The following RBMS3 variants were observed in gnomAD, a reference collection of about 807,000 sequenced individuals.
The protein encoded by RBMS3 is RNA-binding motif, single-stranded-interacting protein 3.
A neutral mutation model predicts 66.8 loss-of-function variants in RBMS3; 27 were observed. The ratio of observed to expected loss-of-function variants is 0.40; its 90% confidence interval spans 0.30 to 0.56. The LOEUF (loss-of-function observed/expected upper bound fraction) is 0.56. Among genes scored for constraint, RBMS3 ranks in the 20% least tolerant of loss-of-function variants. The pLI is 0.40. For missense variants in RBMS3, 513 were observed against 549.5 expected (o/e 0.93, Z 0.66); for synonymous variants, 188 against 183.0 (o/e 1.03, Z -0.22).
intron 3 of RBMS3, among the ~76,000 whole-genome samples, chr3:29,562,609 TG>T (rs892919997): frequency 6.6e-6 from 1 of 152,122 alleles, no homozygotes; most frequent in Admixed American, 6.5e-5. Flanking sequence ...TCGATATACT[TG>T]ATATATGGTT....
Position 29,675,707 on chromosome 3 carries a change from G to A in RBMS3, c.400-64013G>A, listed in dbSNP as rs553132761. On this transcript the variant is annotated intron_variant, in intron 4 of 14. Transcript: ENST00000383767. ...CATCATCACTGGTCTTCAGAGAAAT[G>A]CGAATCAAAACCACAATGAGATTCC... Among the ~76,000 whole-genome samples the A allele has an allele frequency of 1.4e-4, 22 of 152,298 alleles. No homozygotes were observed. The South Asian group carries it at 4.6e-3, about 32-fold the overall frequency.
intron 6 of RBMS3, among the ~76,000 whole-genome samples, chr3:29,807,593 A>G (rs2057598027): frequency 6.6e-6 from 1 of 151,890 alleles, no homozygotes; most frequent in African/African-American, 2.4e-5. Flanking sequence ...TCAATGAGCA[A>G]ATGATTTTTA....
chr3:29,594,621 T>C (rs2149106227), intron 4 of RBMS3, among the ~76,000 whole-genome samples: 1 of 152,302 alleles, frequency 6.6e-6, no homozygotes, highest in East Asian at 1.9e-4. Flanking sequence ...TGATTGAAAA[T>C]TTTAAAATTT....
chr3:29,612,786 A>T (rs1334465651), intron 4 of RBMS3, among the ~76,000 whole-genome samples: 1 of 152,168 alleles, frequency 6.6e-6, no homozygotes, highest in Non-Finnish European at 1.5e-5. Flanking sequence ...CAGTAGTCAC[A>T]CATCATAAAC....
chr3:29,456,901 G>T (rs2042210541), intron 2 of RBMS3, among the ~76,000 whole-genome samples: 1 of 152,128 alleles, frequency 6.6e-6, no homozygotes, highest in Non-Finnish European at 1.5e-5. Flanking sequence ...AAGGAGGCTG[G>T]ACATAAAGTA....
intron 2 of RBMS3, among the ~76,000 whole-genome samples, chr3:29,440,757 C>T (rs543158959): frequency 6.6e-6 from 1 of 152,286 alleles, no homozygotes; most frequent in South Asian, 2.1e-4. Flanking sequence ...GCGTGCTGAA[C>T]GCTGAATAGT....
intron 6 of RBMS3, among the ~76,000 whole-genome samples, chr3:29,779,765 A>G (rs752942462): frequency 3.4e-5 from 5 of 145,398 alleles, no homozygotes; most frequent in Non-Finnish European, 7.6e-5. Context: ...AAGATACAAT[A>G]GGTTACTGAT....
intron 4 of RBMS3, among the ~76,000 whole-genome samples, chr3:29,623,173 G>T (rs575126211): frequency 2.3e-3 from 151 of 64,690 alleles, no homozygotes; most frequent in African/African-American, 8.4e-3. Flanking sequence ...AATTAACTTG[G>T]GGGGGGGGGT....
At chr3:29,646,885 A>C (rs907366270) in intron 4 of RBMS3, among the ~76,000 whole-genome samples, 10 of 152,184 alleles carry the variant, frequency 6.6e-5, no homozygotes, top group African/African-American at 2.4e-4. Context: ...CAAGTCAGCT[A>C]TCTTGCATAT....
At chr3:29,867,530 C>T (rs1408385787) in intron 6 of RBMS3, among the ~76,000 whole-genome samples, 3 of 143,604 alleles carry the variant, frequency 2.1e-5, no homozygotes, top group Non-Finnish European at 4.5e-5. Context: ...GGAATGTTAG[C>T]ATGTTAAGGA....
chr3:29,714,555 A>T (rs2053310473), intron 4 of RBMS3, among the ~76,000 whole-genome samples: 1 of 152,222 alleles, frequency 6.6e-6, no homozygotes, highest in African/African-American at 2.4e-5. Context: ...ACTTGGTAAC[A>T]TAACCTTGTA....
intron 2 of RBMS3, among the ~76,000 whole-genome samples, chr3:29,458,543 T>C (rs1402646186): frequency 6.6e-6 from 1 of 152,210 alleles, no homozygotes; most frequent in Non-Finnish European, 1.5e-5. Context: ...CTAGATTACT[T>C]GTAATACCTA....
chr3:29,718,498 A>G (rs2053502448), intron 4 of RBMS3, among the ~76,000 whole-genome samples: 1 of 151,960 alleles, frequency 6.6e-6, no homozygotes, highest in African/African-American at 2.4e-5. Flanking sequence ...GCAGAACTGG[A>G]GCTCAATTCT....
At chr3:29,411,260 C>T (rs1053815977) in intron 1 of RBMS3, among the ~76,000 whole-genome samples, 1 of 152,262 alleles carries the variant, frequency 6.6e-6, no homozygotes, top group Admixed American at 6.5e-5. Context: ...TAATGGTAAT[C>T]TCACCTCCTG....
At chr3:29,453,207 T>C (rs1048130065) in intron 2 of RBMS3, among the ~76,000 whole-genome samples, 1 of 152,226 alleles carries the variant, frequency 6.6e-6, no homozygotes, top group African/African-American at 2.4e-5. Flanking sequence ...AGATATGTTT[T>C]AGTATGTAGC....
chr3:29,560,476 C>A (rs1033577357), intron 3 of RBMS3, among the ~76,000 whole-genome samples: 1 of 152,206 alleles, frequency 6.6e-6, no homozygotes, highest in Non-Finnish European at 1.5e-5. Context: ...CACAAACATA[C>A]ATCACCAAAG....
intron 4 of RBMS3, among the ~76,000 whole-genome samples, chr3:29,687,204 T>C (rs1029593449): frequency 3.0e-4 from 46 of 152,218 alleles, no homozygotes; most frequent in African/African-American, 1.0e-3. Context: ...TGGCTACAGA[T>C]AATAGAAGTG....
chr3:29,387,628 C>A (rs546477254), intron 1 of RBMS3, among the ~76,000 whole-genome samples: 1 of 152,200 alleles, frequency 6.6e-6, no homozygotes, highest in Admixed American at 6.5e-5. Flanking sequence ...GATGGCCGGG[C>A]GCGGTGGCTC....
rs5847561 is a variant in RBMS3, at chr3:29,281,475, C to CTTT, written c.-198_-196dup. ...TTTTCTACAGATCTCACTCCTCGCC[C>CTTT]TTTTTTTTTTTCCTTTGGTGTGTGT... is the stretch of plus-strand genomic sequence containing the variant. On this transcript the variant is annotated 5_prime_UTR_variant, in exon 1 of 15. Transcript: ENST00000383767. The CTTT allele has an allele frequency of 7.7e-3, 3,564 of 462,856 alleles. 2 individuals are homozygous for CTTT. Among genetic ancestry groups the CTTT allele is most frequent in the Middle Eastern group, 0.013 (23 of 1,744 alleles). The allele number at this position is 462,856 out of a possible 1,614,324, so 28.7% of individuals were successfully genotyped here. A position where few individuals can be genotyped will look rare whatever the true frequency, so the allele number is the denominator to read the frequency against.
Sources: gnomAD v4.1 joint callset for allele counts (sites outside exome capture counted in the v4.1 genomes callset) on GRCh38, gnomAD v4.1.1 for gene constraint, MANE v1.5 for transcripts, NCBI Gene and HGNC (gene_info 2026-07-23, HGNC 2026-07-21) for gene names.